SYT1: variants seen among roughly 807,000 people sequenced by gnomAD.
SYT1 encodes the protein synaptotagmin-1.
Under a neutral mutation model 44.8 loss-of-function variants are expected in SYT1, and 8 were observed. The observed-to-expected ratio is 0.18, with a 90% CI of 0.10 to 0.32. The LOEUF (loss-of-function observed/expected upper bound fraction) is 0.32, where lower values mean the gene tolerates loss of function less well. Ranked by LOEUF, SYT1 falls within the 10% of genes least tolerant of loss-of-function variation. The pLI, the probability that SYT1 is intolerant of heterozygous loss-of-function variation, is 1.00. For missense variants in SYT1, 286 were observed against 509.3 expected (o/e 0.56, Z 4.22); for synonymous variants, 154 against 188.8 (o/e 0.82, Z 1.51).
At chr12:78,931,116 C>T (rs942153840) in intron 1 of SYT1, among the ~76,000 whole-genome samples, 1 of 146,328 alleles carries the variant, frequency 6.8e-6, no homozygotes, top group Non-Finnish European at 1.5e-5. Context: ...GAGCTGAGAT[C>T]GCACCACTGC....
At chr12:79,316,238 G>C (rs1446829477) in intron 8 of SYT1, among the ~76,000 whole-genome samples, 1 of 152,174 alleles carries the variant, frequency 6.6e-6, no homozygotes, top group Non-Finnish European at 1.5e-5. Context: ...TAGTTTGCCT[G>C]TTTTGAACTA....
intron 4 of SYT1, among the ~76,000 whole-genome samples, chr12:79,275,545 C>T (rs1878669094): frequency 6.6e-6 from 1 of 152,060 alleles, no homozygotes; most frequent in Non-Finnish European, 1.5e-5. Flanking sequence ...ATAAAAAATC[C>T]TGGGATGGGG....
In SYT1 at chr12:79,353,439, A is replaced by T. The variant is rs1882989773; in HGVS notation, c.811-63A>T. 5.0e-6 allele frequency: 6 copies of T among 1,201,006 alleles called. No individual in the cohort carries two copies. The South Asian group carries it at 6.1e-5, about 12-fold the overall frequency. The allele number at this position is 1,201,006 out of a possible 1,614,324, so 74.4% of individuals were successfully genotyped here. ...TCCTCTTGAAGAATTTACAATATAT[A>T]TGTTAAAACTCTATTTACTTGTATT... is the stretch of plus-strand genomic sequence containing the variant. On this transcript the variant is annotated intron_variant, in intron 8 of 10. Coordinates refer to ENST00000261205, the MANE Select transcript of SYT1 (RefSeq NM_005639.3).
At chr12:79,042,818 A>T (rs1670737791) in intron 2 of SYT1, among the ~76,000 whole-genome samples, 1 of 151,158 alleles carries the variant, frequency 6.6e-6, no homozygotes, top group South Asian at 2.1e-4. Flanking sequence ...AGATTCTGGT[A>T]TGTTGTGTCT....
intron 4 of SYT1, among the ~76,000 whole-genome samples, chr12:79,222,394 CT>C (rs1555208607): frequency 6.7e-6 from 1 of 148,354 alleles, no homozygotes; most frequent in Non-Finnish European, 1.5e-5. Flanking sequence ...TTTCTTTTTT[CT>C]TTTTTTTGAT....
intron 3 of SYT1, among the ~76,000 whole-genome samples, chr12:79,126,758 T>C (rs1868469539): frequency 2.6e-5 from 4 of 152,156 alleles, no homozygotes; most frequent in African/African-American, 9.7e-5. Context: ...AGTGAGCAGG[T>C]TTAAGGGGTA....
chr12:79,391,111 A>G (rs1443002879), intron 9 of SYT1, among the ~76,000 whole-genome samples: 3 of 152,166 alleles, frequency 2.0e-5, no homozygotes, highest in Non-Finnish European at 2.9e-5. Context: ...TTGTGTCACT[A>G]CTTTTAAGAT....
intron 9 of SYT1, among the ~76,000 whole-genome samples, chr12:79,410,521 A>C (rs969575609): frequency 1.3e-5 from 2 of 151,800 alleles, no homozygotes; most frequent in South Asian, 4.1e-4. Flanking sequence ...AAAAAAAAAA[A>C]AAAAAAACAG....
intron 1 of SYT1, among the ~76,000 whole-genome samples, chr12:78,976,360 G>A (rs1385477962): frequency 6.6e-6 from 1 of 152,156 alleles, no homozygotes; most frequent in African/African-American, 2.4e-5. Flanking sequence ...CAGGCAAAAT[G>A]TTGCTCAGAA....
At chr12:79,011,341 A>C (rs1270039344) in intron 2 of SYT1, among the ~76,000 whole-genome samples, 1 of 152,220 alleles carries the variant, frequency 6.6e-6, no homozygotes, top group Admixed American at 6.5e-5. Flanking sequence ...ATAATTAATC[A>C]GTTTATTACA....
intron 9 of SYT1, among the ~76,000 whole-genome samples, chr12:79,373,644 T>C (rs2136054686): frequency 6.6e-6 from 1 of 152,326 alleles, no homozygotes; most frequent in African/African-American, 2.4e-5. Flanking sequence ...TAATATTTAA[T>C]ATGAACTTAG....
intron 2 of SYT1, among the ~76,000 whole-genome samples, chr12:79,044,635 G>A (rs1450359574): frequency 2.0e-5 from 3 of 149,332 alleles, no homozygotes; most frequent in South Asian, 2.2e-4. Flanking sequence ...GCTCGTCAAA[G>A]TCATTCTCCA....
chr12:79,036,485 C>A (rs1415669130), intron 2 of SYT1: 1 of 151,762 alleles, frequency 6.6e-6, no homozygotes, highest in South Asian at 2.1e-4. Flanking sequence ...TAAACTCCTA[C>A]CATTTTGTAG....
In SYT1 at chr12:78,896,168, T is replaced by G. The variant is rs141842987; in HGVS notation, c.-217+31059T>G. Among the ~76,000 whole-genome samples, 12 of 151,934 alleles carry G rather than the reference T, an allele frequency of 7.9e-5. No individual in the cohort carries two copies. The East Asian group carries it at 2.3e-3, about 30-fold the overall frequency. On this transcript the variant is annotated intron_variant, in intron 1 of 10. Coordinates refer to ENST00000261205, the MANE Select transcript of SYT1 (RefSeq NM_005639.3). Reference sequence around the variant, plus strand: ...TATTTTCTTTTCTCTAAGCATTTAATGTAAAGTTTGAACTGTATTATTCTT... The same window carrying G: ...TATTTTCTTTTCTCTAAGCATTTAAGGTAAAGTTTGAACTGTATTATTCTT...
chr12:79,370,012 T>G (rs1223184935), intron 9 of SYT1, among the ~76,000 whole-genome samples: 2 of 152,224 alleles, frequency 1.3e-5, no homozygotes, highest in Non-Finnish European at 2.9e-5. Context: ...TCATTGCCTC[T>G]CTAACTTTCC....
intron 2 of SYT1, among the ~76,000 whole-genome samples, chr12:79,024,500 T>C (rs939752800): frequency 1.3e-5 from 2 of 151,876 alleles, no homozygotes; most frequent in African/African-American, 4.8e-5. Flanking sequence ...CATTTATTCA[T>C]TTAATAATCA....
intron 3 of SYT1, among the ~76,000 whole-genome samples, chr12:79,179,473 A>C (rs1220629716): frequency 6.5e-5 from 7 of 107,050 alleles, no homozygotes; most frequent in East Asian, 2.4e-4. Flanking sequence ...ATAGATATAG[A>C]TATAGAGATA....
At chr12:78,944,578 G>T (rs938724161) in intron 1 of SYT1, among the ~76,000 whole-genome samples, 2 of 151,848 alleles carry the variant, frequency 1.3e-5, no homozygotes, top group South Asian at 2.1e-4. Flanking sequence ...CAAAAGACAG[G>T]TTACTTTATT....
intron 1 of SYT1, among the ~76,000 whole-genome samples, chr12:78,865,341 C>G (rs527529086): frequency 1.3e-5 from 2 of 152,200 alleles, no homozygotes; most frequent in African/African-American, 4.8e-5. Flanking sequence ...TGGGCATCCC[C>G]CATCTTCTTG....
Sources: allele counts gnomAD v4.1 joint callset (sites outside exome capture counted in the v4.1 genomes callset), GRCh38; gene constraint gnomAD v4.1.1; transcripts MANE v1.5; gene names NCBI Gene and HGNC (gene_info 2026-07-23, HGNC 2026-07-21).